ANKHD1: variants seen among roughly 807,000 people sequenced by gnomAD.
ANKHD1 encodes ankyrin repeat and KH domain containing 1, also known as ankyrin repeat and KH domain-containing protein 1.
ANKHD1 carries 31 observed loss-of-function variants against 230.5 expected under a neutral mutation model. The observed-to-expected ratio is 0.13, with a 90% CI of 0.10 to 0.18. The LOEUF is 0.18. ANKHD1 is among the 10% of genes least tolerant of loss of function. The pLI, the probability that ANKHD1 is intolerant of heterozygous loss-of-function variation, is 1.00. For synonymous variants in ANKHD1, 1,074 were observed against 1,117.6 expected, an observed-to-expected ratio of 0.96 and a Z score of 0.78; for missense variants, 2,256 against 3,071.3, an observed-to-expected ratio of 0.73 and a Z score of 6.27.
chr5:140,436,822 GA>G (rs1460960030), intron 2 of ANKHD1, among the ~76,000 whole-genome samples: 4 of 151,928 alleles, frequency 2.6e-5, no homozygotes, highest in African/African-American at 9.7e-5. Flanking sequence ...AAAAATGTGG[GA>G]GATAAATTTA....
rs991498256 is a variant in ANKHD1, at chr5:140,452,880, C to T, written c.1242+3575C>T. On this transcript the variant is annotated intron_variant, in intron 7 of 33. Transcript: ENST00000360839. ...AAAGCTGGATGGAGAATGACTTTAACGAATTGAGAGAAGAAGGCTTCAGAC... is the reference window on the plus strand; with the variant it reads ...AAAGCTGGATGGAGAATGACTTTAATGAATTGAGAGAAGAAGGCTTCAGAC... Among the ~76,000 whole-genome samples the T allele has an allele frequency of 4.6e-5, 7 of 152,246 alleles. No homozygotes were observed. In the South Asian group the frequency reaches 6.2e-4, roughly 14 times the overall value.
intron 10 of ANKHD1, among the ~76,000 whole-genome samples, chr5:140,466,897 G>A (rs911530501): frequency 1.3e-5 from 2 of 151,156 alleles, no homozygotes; most frequent in African/African-American, 4.9e-5. Flanking sequence ...TAGTGCCATT[G>A]CACTCCAGCC....
At position 140,406,856 on chromosome 5, in the gene ANKHD1, G is replaced by A. The variant is rs1332639525; in HGVS notation, c.306+4583G>A. On this transcript the variant is annotated intron_variant, in intron 1 of 33. Transcript: ENST00000360839. ...GGCCCTTTTGTTATTTTAAACATTG[G>A]GGTAAATACCTGCTTCGTATTTCTT... Among the ~76,000 whole-genome samples the A allele has an allele frequency of 2.0e-5, 3 of 152,026 alleles. No individual in the cohort carries two copies. In the South Asian group the frequency reaches 6.2e-4, roughly 32 times the overall value.
intron 10 of ANKHD1, among the ~76,000 whole-genome samples, chr5:140,474,308 C>T (rs2127001375): frequency 6.6e-6 from 1 of 152,148 alleles, no homozygotes; most frequent in East Asian, 1.9e-4. Context: ...TATTGGAATC[C>T]TCTAGTACGT....
chr5:140,408,803 C>T (rs1770690712), intron 1 of ANKHD1, among the ~76,000 whole-genome samples: 1 of 152,116 alleles, frequency 6.6e-6, no homozygotes, highest in East Asian at 1.9e-4. Flanking sequence ...TATGTGGTCT[C>T]CCACTCCTGG....
chr5:140,485,576 A>T lies in ANKHD1; in HGVS notation c.1999-13A>T. The T allele has an allele frequency of 6.2e-7, 1 of 1,611,910 alleles. No individual in the cohort carries two copies. ...ACTATAAAGAATTAATTATCATGGCAATTCTTTTTCAGGATGGTTCAACAA... is the reference window on the plus strand; with the variant it reads ...ACTATAAAGAATTAATTATCATGGCTATTCTTTTTCAGGATGGTTCAACAA... On this transcript the variant is annotated splice_polypyrimidine_tract_variant and intron_variant, in intron 12 of 33. Coordinates refer to ENST00000360839, the MANE Select transcript of ANKHD1 (RefSeq NM_017747.3). This position sits in a 1 kb window ranked among gnomAD's most constrained non-coding sequence, Gnocchi z 4.8.
rs1267925121 is a variant in ANKHD1 at position 140,494,856 on chromosome 5, T to A, written c.2246-1664T>A. 2.0e-5 allele frequency among the ~76,000 whole-genome samples: 3 copies of A among 152,336 alleles called. No homozygotes were observed. In the East Asian group the frequency reaches 5.8e-4, roughly 29 times the overall value. On this transcript the variant is annotated intron_variant, in intron 14 of 33. Transcript: ENST00000360839. Reference sequence around the variant, plus strand: ...ACTGCAATTCAAAATAATAGATAACTTTTTTACCCAGCTTTTCTCAAACAG... The same window carrying A: ...ACTGCAATTCAAAATAATAGATAACATTTTTACCCAGCTTTTCTCAAACAG...
intron 6 of ANKHD1, among the ~76,000 whole-genome samples, chr5:140,448,543 C>G (rs1308757443): frequency 6.6e-6 from 1 of 152,166 alleles, no homozygotes; most frequent in Non-Finnish European, 1.5e-5. Context: ...TACACCCTCA[C>G]CAATACTGGG....
intron 1 of ANKHD1, among the ~76,000 whole-genome samples, chr5:140,428,170 G>A (rs1346279838): frequency 4.0e-5 from 6 of 151,244 alleles, no homozygotes; most frequent in African/African-American, 1.5e-4. Flanking sequence ...CCAGGCAGAG[G>A]GGCTCCTCAC....
At chr5:140,513,835 T>C (rs541474083) in intron 24 of ANKHD1, among the ~76,000 whole-genome samples, 9 of 147,950 alleles carry the variant, frequency 6.1e-5, no homozygotes, top group Non-Finnish European at 8.9e-5. Flanking sequence ...AAAGAAATTA[T>C]TGAGGGTGGG....
chr5:140,538,720 C>T (rs1473957543), intron 32 of ANKHD1, among the ~76,000 whole-genome samples, 199 bp from the exon 33 acceptor site: 1 of 152,158 alleles, frequency 6.6e-6, no homozygotes. Context: ...TTCTTTCTCT[C>T]TCTTGTTTTT....
At chr5:140,529,834 T>G (rs1450943365) in intron 29 of ANKHD1, 38 bp downstream of exon 29, 2 of 1,600,544 alleles carry the variant, frequency 1.2e-6, no homozygotes, top group East Asian at 2.2e-5. Flanking sequence ...AGTTTGGAGC[T>G]CCTATGGCCT....
At chr5:140,497,406 G>A (rs1752081944) in intron 15 of ANKHD1, 128 bp downstream of exon 15, 3 of 1,418,786 alleles carry the variant, frequency 2.1e-6, no homozygotes, top group Non-Finnish European at 2.8e-6. Context: ...CCCATTTCTC[G>A]AAGTATTTTG....
chr5:140,479,734 A>ATATATATATGTATATATAGG, intron 10 of ANKHD1, among the ~76,000 whole-genome samples: 1 of 18,090 alleles, frequency 5.5e-5, no homozygotes, highest in Admixed American at 6.6e-4. Flanking sequence ...ATACATAGGT[A>ATATATATATGTATATATAGG]TATATATATA....
At chr5:140,479,290 G>C (rs1249727757) in intron 10 of ANKHD1, among the ~76,000 whole-genome samples, 1 of 152,028 alleles carries the variant, frequency 6.6e-6, no homozygotes, top group Non-Finnish European at 1.5e-5. Context: ...TAGCCACCAT[G>C]CCCAGCCGAA....
intron 9 of ANKHD1, among the ~76,000 whole-genome samples, chr5:140,462,865 A>G (rs775613232): frequency 6.6e-6 from 1 of 151,708 alleles, no homozygotes; most frequent in Non-Finnish European, 1.5e-5. Context: ...TTTTGTTTTG[A>G]GACAGGGTCT....
At chr5:140,427,384 C>T (rs1581229701) in intron 1 of ANKHD1, among the ~76,000 whole-genome samples, 1 of 48,842 alleles carries the variant, frequency 2.0e-5, no homozygotes, top group African/African-American at 8.5e-5. Flanking sequence ...GACCCCCCCC[C>T]ACCTCCCTCC....
chr5:140,464,112 C>G lies in ANKHD1; in HGVS notation c.1673-555C>G, dbSNP rs139865778. On this transcript the variant is annotated intron_variant, in intron 9 of 33. Transcript: ENST00000360839. ...TTAGCCAAGCGTGGTGGCATGTGCC[C>G]GTGATACCACCTACTCGAGAGGCTG... 2.0e-5 allele frequency among the ~76,000 whole-genome samples: 3 copies of G among 151,828 alleles called. No individual in the cohort carries two copies. The East Asian group carries it at 5.8e-4, about 29-fold the overall frequency.
At chr5:140,472,248 G>A (rs1431256229) in intron 10 of ANKHD1, 1 of 1,612,536 alleles carries the variant, frequency 6.2e-7, no homozygotes, top group Non-Finnish European at 8.5e-7. Flanking sequence ...GGACAAGCAG[G>A]AGGACATGAA....
Sources: allele counts gnomAD v4.1 joint callset (sites outside exome capture counted in the v4.1 genomes callset), GRCh38; gene constraint gnomAD v4.1.1; non-coding constraint Gnocchi (gnomAD v3.1); transcripts MANE v1.5; gene names NCBI Gene and HGNC (gene_info 2026-07-23, HGNC 2026-07-21).